Variants in UNC45A observed in about 807,000 individuals in gnomAD.
UNC45A encodes the protein protein unc-45 homolog A.
UNC45A carries 78 observed loss-of-function variants against 103.2 expected under a neutral mutation model. The observed-to-expected ratio is 0.76, with a 90% CI of 0.63 to 0.91. The LOEUF is 0.91. Among genes scored for constraint, UNC45A ranks in the 40% least tolerant of loss-of-function variants. The pLI, the probability that UNC45A is intolerant of heterozygous loss-of-function variation, is 0.00. For synonymous variants in UNC45A, 495 were observed against 504.6 expected (o/e 0.98, Z 0.25); for missense variants, 1,193 against 1,224.8 (o/e 0.97, Z 0.39).
chr15:90,935,392 C>T lies in UNC45A; in HGVS notation c.51+17C>T, dbSNP rs1367083476. 1.3e-6 allele frequency: 2 copies of T among 1,587,126 alleles called. No homozygotes were observed. The highest frequency in any genetic ancestry group is 1.1e-5 in the South Asian group (1 of 88,574). ...ACCCCCGGGGTGCGTACCCAACCCC[C>T]GCGCCATCACCCCTTCGCACCCGCC... On this transcript the variant is annotated intron_variant, in intron 1 of 19. Coordinates refer to ENST00000418476, the MANE Select transcript of UNC45A (RefSeq NM_018671.5).
chr15:90,950,780 C>T (rs545806732), intron 17 of UNC45A, among the ~76,000 whole-genome samples, 165 bp downstream of exon 17: 13 of 152,334 alleles, frequency 8.5e-5, no homozygotes, highest in African/African-American at 2.6e-4. Flanking sequence ...AGAGGCAGCA[C>T]GGCACGGCAG....
At chr15:90,934,361 G>A, upstream of UNC45A, 1 of 399,080 alleles carries the variant, frequency 2.5e-6, no homozygotes, top group East Asian at 3.6e-5. Flanking sequence ...ACCCTCACTT[G>A]TGCCAGACCA....
chr15:90,939,712 G>A lies in UNC45A; in HGVS notation c.427-19G>A. On this transcript the variant is annotated intron_variant, in intron 4 of 19. Transcript: ENST00000418476. ...GGCCAAGAGCCGTGATTTGTTCCAT[G>A]CTTTGTTGGTTTGTCTAGGTGCGAT... 2 of 1,613,768 alleles carry A rather than the reference G, an allele frequency of 1.2e-6. No individual in the cohort carries two copies. Among genetic ancestry groups the A allele is most frequent in the Non-Finnish European group, 1.7e-6 (2 of 1,179,702 alleles).
intron 5 of UNC45A, 136 bp from the exon 6 acceptor site, chr15:90,940,170 G>A: frequency 1.1e-6 from 1 of 930,434 alleles, no homozygotes; most frequent in Non-Finnish European, 1.6e-6. Context: ...AAACTTCAAA[G>A]AGGTTATTTT....
In UNC45A at chr15:90,935,385, C is replaced by G. The variant is rs748137932; in HGVS notation, c.51+10C>G. ...GCCGGCCACCCCCGGGGTGCGTACCCAACCCCCGCGCCATCACCCCTTCGC... is the reference window on the plus strand; with the variant it reads ...GCCGGCCACCCCCGGGGTGCGTACCGAACCCCCGCGCCATCACCCCTTCGC... On this transcript the variant is annotated intron_variant, in intron 1 of 19. Coordinates refer to ENST00000418476, the MANE Select transcript of UNC45A (RefSeq NM_018671.5). The G allele has an allele frequency of 6.3e-7, 1 of 1,589,850 alleles. No individual in the cohort carries two copies. The highest frequency in any genetic ancestry group is 8.6e-7 in the Non-Finnish European group (1 of 1,167,956).
chr15:90,945,685 A>G (rs1387018003), intron 9 of UNC45A, among the ~76,000 whole-genome samples: 2 of 145,680 alleles, frequency 1.4e-5, no homozygotes, highest in Non-Finnish European at 3.0e-5. Context: ...AGGCTGGAGT[A>G]CAATGGTATG....
chr15:90,939,453 G>A (rs989413314), intron 4 of UNC45A, among the ~76,000 whole-genome samples: 10 of 152,198 alleles, frequency 6.6e-5, no homozygotes, highest in South Asian at 6.2e-4. Flanking sequence ...GGGTTGCCTC[G>A]TAGCTGACAG....
At chr15:90,938,172 C>A (rs1393603696) in intron 4 of UNC45A, among the ~76,000 whole-genome samples, 2 of 152,050 alleles carry the variant, frequency 1.3e-5, no homozygotes, top group Non-Finnish European at 2.9e-5. Context: ...AACACGGTGA[C>A]CCCTGGGGAA....
intron 9 of UNC45A, among the ~76,000 whole-genome samples, chr15:90,946,110 C>CA (rs2036552924): frequency 6.6e-6 from 1 of 150,596 alleles, no homozygotes; most frequent in African/African-American, 2.4e-5. Context: ...GAAAATTAGC[C>CA]AGGTGTGGTG....
chr15:90,940,241 C>T (rs2036222306), intron 5 of UNC45A, 65 bp from the exon 6 acceptor site: 11 of 1,530,780 alleles, frequency 7.2e-6, no homozygotes, highest in Non-Finnish European at 9.7e-6. Flanking sequence ...GGGGCCCCTG[C>T]TCACCAGTGC....
In UNC45A at chr15:90,953,627, G is replaced by T; in HGVS notation, c.2746G>T (p.Asp916Tyr). The change falls in exon 20 of 20, where the codon GAC becomes TAC. Residue 916 changes from aspartate to tyrosine, a missense_variant. Physicochemically the swap from Asp to Tyr is radical, Grantham distance 160. Coordinates refer to ENST00000418476, the MANE Select transcript of UNC45A (RefSeq NM_018671.5). ...MEILSVLAKGDHSPVTRAAAA... is the reference protein window; with the variant it reads ...MEILSVLAKGYHSPVTRAAAA... ...GATCTTGTCAGTGCTAGCTAAGGGT[G>T]ACCACAGCCCTGTCACAAGGGCTGC... The T allele has an allele frequency of 6.2e-7, 1 of 1,614,110 alleles. No homozygotes were observed. The highest frequency in any genetic ancestry group is 8.5e-7 in the Non-Finnish European group (1 of 1,180,032).
intron 17 of UNC45A, among the ~76,000 whole-genome samples, chr15:90,951,183 T>G (rs2036891720): frequency 6.6e-6 from 1 of 152,176 alleles, no homozygotes; most frequent in Non-Finnish European, 1.5e-5. Flanking sequence ...AATTTTTGTA[T>G]TTTTGTAGAG....
upstream of UNC45A, chr15:90,931,638 CCAA>C: frequency 1.2e-6 from 2 of 1,614,086 alleles, no homozygotes; most frequent in Non-Finnish European, 1.7e-6. Context: ...GGGGAACTGA[CCAA>C]CATGTGTCTT....
chr15:90,938,828 C>A (rs879626866), intron 4 of UNC45A, among the ~76,000 whole-genome samples: 1 of 152,060 alleles, frequency 6.6e-6, no homozygotes. Flanking sequence ...CCCGCCACCA[C>A]ACCTGGCTAA....
chr15:90,942,388 T>C, intron 6 of UNC45A, 49 bp from the exon 7 acceptor site: 1 of 1,555,838 alleles, frequency 6.4e-7, no homozygotes, highest in South Asian at 1.2e-5. Flanking sequence ...TCTCTGTGGC[T>C]GCCCTTCAAC....
chr15:90,946,826 C>G lies in UNC45A; in HGVS notation c.1412C>G (p.Ala471Gly). Residue 471 changes from alanine to glycine, a missense_variant, in exon 10 of 20, where the codon GCC becomes GGC. Coordinates refer to ENST00000418476, the MANE Select transcript of UNC45A (RefSeq NM_018671.5). ...CATGCAGCCGGCAAGGCTAAGCGGG[C>G]CTCATTCATCACTGCCAATGGTGTC... is the stretch of plus-strand genomic sequence containing the variant. ...LIHAAGKAKR[A>G]SFITANGVSL... 6.2e-7 allele frequency: 1 copy of G among 1,614,202 alleles called. No individual in the cohort carries two copies. The highest frequency in any genetic ancestry group is 8.5e-7 in the Non-Finnish European group (1 of 1,180,036).
chr15:90,935,842 G>C, intron 2 of UNC45A, 104 bp from the exon 3 acceptor site: 2 of 1,582,124 alleles, frequency 1.3e-6, no homozygotes, highest in Admixed American at 1.8e-5. Context: ...CCTCAGGGTG[G>C]TGGGGGATCG....
chr15:90,931,815 T>C, upstream of UNC45A: 2 of 1,614,134 alleles, frequency 1.2e-6, no homozygotes, highest in Non-Finnish European at 1.7e-6. Context: ...AGCCTCTTTC[T>C]CTCCAGCTTG....
chr15:90,936,579 AG>A (rs1489925177), intron 4 of UNC45A, 119 bp downstream of exon 4: 12 of 1,216,554 alleles, frequency 9.9e-6, no homozygotes, highest in Admixed American at 2.9e-5. Flanking sequence ...GCCTGTGGCC[AG>A]GGAAAAGCAA....
Sources: allele counts gnomAD v4.1 joint callset (sites outside exome capture counted in the v4.1 genomes callset), GRCh38; gene constraint gnomAD v4.1.1; transcripts MANE v1.5; gene names NCBI Gene and HGNC (gene_info 2026-07-23, HGNC 2026-07-21).